The following RBFOX3 variants were observed in gnomAD, a reference collection of about 807,000 sequenced individuals.
RBFOX3 encodes the protein RNA binding fox-1 homolog 3, also known as RNA binding protein fox-1 homolog 3.
In RBFOX3, 17 loss-of-function variants were observed where a neutral mutation model predicts 48.7. The observed-to-expected ratio is 0.35, with a 90% CI of 0.24 to 0.52. The LOEUF is 0.52. Among genes scored for constraint, RBFOX3 ranks in the 20% least tolerant of loss-of-function variants. The probability of loss-of-function intolerance (pLI) is 0.94; values close to 1 mark genes in which losing one functional copy is unlikely to be tolerated. For synonymous variants in RBFOX3, 212 were observed against 209.5 expected (o/e 1.01, Z -0.10); for missense variants, 382 against 497.5 (o/e 0.77, Z 2.21).
In RBFOX3 at chr17:79,421,503, A is replaced by C. The variant is rs782232233; in HGVS notation, c.-175+60951T>G. ...CTCAGCCCCTCCCCCTGAAGAAAGC[A>C]TGTGGGGAGGGACAGGGCCCAGGGC... On this transcript the variant is annotated intron_variant, in intron 2 of 14. Transcript: ENST00000693108. The surrounding 1 kb of genome is among the most constrained non-coding windows in gnomAD (Gnocchi z 4.5). Among the ~76,000 whole-genome samples, 5 of 152,074 alleles carry C rather than the reference A, an allele frequency of 3.3e-5. No individual in the cohort carries two copies. Among genetic ancestry groups the C allele is most frequent in the African/African-American group, 4.8e-5 (2 of 41,418 alleles).
chr17:79,635,793 A>G, the RBFOX3 span, among the ~76,000 whole-genome samples: 1 of 152,358 alleles, frequency 6.6e-6, no homozygotes, highest in Admixed American at 6.5e-5. Flanking sequence ...ACAGAAAAAT[A>G]TAAATGGTCA....
chr17:79,128,741 C>T (rs1161469106), intron 4 of RBFOX3, among the ~76,000 whole-genome samples: 2 of 152,222 alleles, frequency 1.3e-5, no homozygotes, highest in Admixed American at 6.5e-5. Flanking sequence ...CCTGCTGTGC[C>T]AGGACGGGCA....
intron 14 of RBFOX3, chr17:79,094,238 G>A (rs980516991): frequency 1.9e-5 from 9 of 477,846 alleles, no homozygotes; most frequent in African/African-American, 1.8e-4. Context: ...GGTACGGTGG[G>A]CTGACCAGCC....
intron 1 of RBFOX3, among the ~76,000 whole-genome samples, chr17:79,548,179 C>T (rs1460933372): frequency 1.3e-5 from 2 of 152,204 alleles, no homozygotes; most frequent in Non-Finnish European, 2.9e-5. Flanking sequence ...CAGGTAGGGG[C>T]GGGCACAGCT....
chr17:79,454,573 C>G (rs2074153293), intron 2 of RBFOX3, among the ~76,000 whole-genome samples: 1 of 152,224 alleles, frequency 6.6e-6, no homozygotes, highest in South Asian at 2.1e-4. Flanking sequence ...TCCACTCACT[C>G]TTGGACCCAG....
chr17:79,255,002 A>G (rs561469902), intron 3 of RBFOX3, among the ~76,000 whole-genome samples: 3 of 152,240 alleles, frequency 2.0e-5, no homozygotes, highest in African/African-American at 7.2e-5. Context: ...GTCAGAGCGG[A>G]GGGCAGGCAG....
intron 2 of RBFOX3, among the ~76,000 whole-genome samples, chr17:79,382,351 G>A (rs2060029572): frequency 2.0e-5 from 3 of 152,196 alleles, no homozygotes; most frequent in African/African-American, 2.4e-5. Context: ...CCAGGTTGGG[G>A]GCTAAGCCTT....
intron 3 of RBFOX3, among the ~76,000 whole-genome samples, chr17:79,253,467 A>C (rs1376685387): frequency 6.6e-6 from 1 of 152,242 alleles, no homozygotes; most frequent in Non-Finnish European, 1.5e-5. Context: ...TCTAATGTTT[A>C]ATTTATAGCC....
intron 2 of RBFOX3, among the ~76,000 whole-genome samples, chr17:79,314,246 T>C (rs1273165858): frequency 1.3e-5 from 2 of 152,172 alleles, no homozygotes; most frequent in Admixed American, 6.5e-5. Flanking sequence ...GGGGTAACCA[T>C]GGCTCCCTGG....
intron 10 of RBFOX3, 105 bp downstream of exon 10, chr17:79,097,587 C>T: frequency 2.1e-6 from 3 of 1,415,426 alleles, no homozygotes; most frequent in African/African-American, 1.5e-5. Context: ...AGGGCGGGGA[C>T]GGCCCACCTG....
chr17:79,485,802 C>T (rs1291919608), intron 1 of RBFOX3, among the ~76,000 whole-genome samples: 1 of 152,258 alleles, frequency 6.6e-6, no homozygotes, highest in Admixed American at 6.5e-5. Flanking sequence ...CTTGGCGCCC[C>T]GCACCCCTCC....
intron 2 of RBFOX3, among the ~76,000 whole-genome samples, chr17:79,366,937 C>T (rs2057848415): frequency 1.3e-5 from 2 of 152,208 alleles, no homozygotes; most frequent in African/African-American, 4.8e-5. Context: ...CCCAAGGGCC[C>T]TGGGGAGGGT....
intron 1 of RBFOX3, among the ~76,000 whole-genome samples, chr17:79,496,924 C>T (rs2081622285): frequency 6.6e-6 from 1 of 152,168 alleles, no homozygotes; most frequent in East Asian, 1.9e-4. Context: ...TGGGTGTTAC[C>T]TGTGTGGAGC....
intron 4 of RBFOX3, among the ~76,000 whole-genome samples, chr17:79,224,236 C>G (rs564669904): frequency 3.5e-4 from 53 of 152,112 alleles, no homozygotes; most frequent in African/African-American, 1.2e-3. Flanking sequence ...GACAGGGAAT[C>G]CAGGCAGCCC....
intron 2 of RBFOX3, among the ~76,000 whole-genome samples, chr17:79,358,621 T>C (rs2085689780): frequency 6.6e-6 from 1 of 152,056 alleles, no homozygotes; most frequent in Admixed American, 6.6e-5. Context: ...CCATCACGCC[T>C]GGCTAATTTT....
At chr17:79,407,157 G>T (rs550988535) in intron 2 of RBFOX3, among the ~76,000 whole-genome samples, 1 of 152,208 alleles carries the variant, frequency 6.6e-6, no homozygotes, top group Non-Finnish European at 1.5e-5. Flanking sequence ...ACAGGCACCC[G>T]CCGCCATGCC....
intron 2 of RBFOX3, among the ~76,000 whole-genome samples, chr17:79,360,615 A>G (rs1352266536): frequency 6.6e-6 from 1 of 152,116 alleles, no homozygotes; most frequent in Non-Finnish European, 1.5e-5. Context: ...TGGGACTCAA[A>G]ACCCCTATTA....
At chr17:79,108,649 G>A (rs946526869) in intron 5 of RBFOX3, among the ~76,000 whole-genome samples, 1 of 152,254 alleles carries the variant, frequency 6.6e-6, no homozygotes, top group Non-Finnish European at 1.5e-5. Context: ...GGCTGTCGCC[G>A]CCCCCAGCAC....
chr17:79,382,952 C>T (rs778963463), intron 2 of RBFOX3, among the ~76,000 whole-genome samples: 15 of 151,484 alleles, frequency 9.9e-5, no homozygotes, highest in South Asian at 2.1e-4. Context: ...ATTTTCTTAA[C>T]GATGGGCTTT....
Sources: allele counts gnomAD v4.1 joint callset (sites outside exome capture counted in the v4.1 genomes callset), GRCh38; gene constraint gnomAD v4.1.1; non-coding constraint Gnocchi (gnomAD v3.1); transcripts MANE v1.5; gene names NCBI Gene and HGNC (gene_info 2026-07-23, HGNC 2026-07-21).